DPP9: variants seen among roughly 807,000 people sequenced by gnomAD.
The protein encoded by DPP9 is dipeptidyl peptidase IV-related protein-2.
In DPP9, 50 loss-of-function variants were observed where a neutral mutation model predicts 110.7. That is an observed-to-expected ratio of 0.45 (90% CI 0.36 to 0.57). The LOEUF (loss-of-function observed/expected upper bound fraction) is 0.57, where lower values mean the gene tolerates loss of function less well. Among genes scored for constraint, DPP9 ranks in the 20% least tolerant of loss-of-function variants. The pLI, the probability that DPP9 is intolerant of heterozygous loss-of-function variation, is 0.00. For missense variants in DPP9, 1,022 were observed against 1,217.9 expected (o/e 0.84, Z 2.39); for synonymous variants, 561 against 514.4 (o/e 1.09, Z -1.23).
intron 2 of DPP9, chr19:4,722,102 G>A (rs1210654883): frequency 5.0e-6 from 1 of 200,524 alleles, no homozygotes; most frequent in African/African-American, 2.3e-5. Context: ...ATGACAGCTA[G>A]CATTGTCAAC....
intron 11 of DPP9, 42 bp downstream of exon 11, chr19:4,697,509 C>T (rs1458885838): frequency 1.3e-6 from 2 of 1,560,890 alleles, no homozygotes; most frequent in Non-Finnish European, 1.8e-6. Context: ...GGGCCCAGGG[C>T]CCTGCAGGTG....
chr19:4,707,464 G>A (rs2092639462), intron 4 of DPP9, among the ~76,000 whole-genome samples: 1 of 152,066 alleles, frequency 6.6e-6, no homozygotes, highest in African/African-American at 2.4e-5. Flanking sequence ...AAGCTGTCCA[G>A]TAGCCCACAA....
At chr19:4,722,365 C>T in intron 2 of DPP9, 134 bp downstream of exon 2, 1 of 582,220 alleles carries the variant, frequency 1.7e-6, no homozygotes, top group Admixed American at 3.0e-5. Flanking sequence ...ACTGCAGCCA[C>T]TGCCCTGCGG....
chr19:4,722,740 G>T, intron 1 of DPP9, 189 bp from the exon 2 acceptor site: 1 of 581,006 alleles, frequency 1.7e-6, no homozygotes, highest in South Asian at 2.0e-5. Flanking sequence ...GCCATCCCAC[G>T]GGCCCCGATT....
rs1478138351 is a variant in DPP9, at chr19:4,697,536, G to A, written c.1175+15C>T. ...CTGCAGGTGAATTCCTTGGGTTCCAGCCAGAGACACTCACTATTTGCCATC... is the reference window on the plus strand; with the variant it reads ...CTGCAGGTGAATTCCTTGGGTTCCAACCAGAGACACTCACTATTTGCCATC... On this transcript the variant is annotated intron_variant, in intron 11 of 21. Coordinates refer to ENST00000262960, the MANE Select transcript of DPP9 (RefSeq NM_139159.5). 1.9e-6 allele frequency: 3 copies of A among 1,608,926 alleles called. No homozygotes were observed. In the South Asian group the frequency reaches 3.3e-5, roughly 18 times the overall value.
At position 4,682,778 on chromosome 19, in the gene DPP9, G is replaced by A. The variant is rs1287824953; in HGVS notation, c.2392C>T (p.Arg798Cys). Residue 798 changes from arginine (R) to cysteine (C), a missense_variant, in exon 20 of 22, where the codon CGC (arginine) becomes TGC (cysteine). Transcript: ENST00000262960. This position sits in a 1 kb window ranked among gnomAD's most constrained non-coding sequence, Gnocchi z 7.1. ...WMAYDTGYTE[R>C]YMDVPENNQH... ...TTGTTCTCAGGGACGTCCATGTAGC[G>A]CTCAGTGTACCCTGTGTCGTAGGCC... 1.9e-6 allele frequency: 3 copies of A among 1,602,964 alleles called. No homozygotes were observed. The highest frequency in any genetic ancestry group is 1.3e-5 in the African/African-American group (1 of 74,768).
At chr19:4,691,002 T>C (rs778645106) in intron 13 of DPP9, 45 bp from the exon 14 acceptor site, 10 of 1,514,790 alleles carry the variant, frequency 6.6e-6, no homozygotes, top group Non-Finnish European at 9.0e-6. Context: ...TGGGAGGTGA[T>C]GCAGGCGCCC....
chr19:4,700,204 A>G lies in DPP9; in HGVS notation c.1074+12T>C. On this transcript the variant is annotated intron_variant, in intron 10 of 21. Transcript: ENST00000262960. The surrounding 1 kb of genome is among the most constrained non-coding windows in gnomAD (Gnocchi z 4.3). ...TCTAGTAGATTATCTGGTATGCAGC[A>G]GGCCCCCTTACCTTGCCCTGGCTGT... 6.4e-7 allele frequency: 1 copy of G among 1,558,754 alleles called. No individual in the cohort carries two copies. The highest frequency in any genetic ancestry group is 8.7e-7 in the Non-Finnish European group (1 of 1,143,142).
rs531299969 is a variant in DPP9, at chr19:4,694,082, G to T, written c.1516+579C>A. Among the ~76,000 whole-genome samples the T allele has an allele frequency of 4.6e-5, 7 of 151,118 alleles. No individual in the cohort carries two copies. The South Asian group carries it at 1.5e-3, about 31-fold the overall frequency. ...CTTCCACCACGCACATCACACCAGA[G>T]GCAGCACCTCTAACTGTTTCTGGAA... On this transcript the variant is annotated intron_variant, in intron 13 of 21. Transcript: ENST00000262960. This position sits in a 1 kb window ranked among gnomAD's most constrained non-coding sequence, Gnocchi z 4.0.
At position 4,700,867 on chromosome 19, in the gene DPP9, G is replaced by A. The variant is rs557638827; in HGVS notation, c.1013-590C>T. Among the ~76,000 whole-genome samples the A allele has an allele frequency of 1.9e-4, 29 of 152,298 alleles. No homozygotes were observed. Among genetic ancestry groups the A allele is most frequent in the South Asian group, 1.7e-3 (8 of 4,820 alleles). On this transcript the variant is annotated intron_variant, in intron 9 of 21. Transcript: ENST00000262960. The surrounding 1 kb of genome is among the most constrained non-coding windows in gnomAD (Gnocchi z 4.3). ...TGCTTATTTTTTTGGCTAGACCTAC[G>A]AGAAACTCAACTCCAGCCCTCGTGG...
At chr19:4,720,083 T>C (rs2093254802) in intron 2 of DPP9, 142 bp from the exon 3 acceptor site, 2 of 688,098 alleles carry the variant, frequency 2.9e-6, no homozygotes, top group African/African-American at 3.6e-5. Context: ...AAGGGCATTC[T>C]GAAGAGACGA....
In DPP9 at chr19:4,679,738, C is replaced by T. The variant is rs1280498067; in HGVS notation, c.2586+97G>A. The T allele has an allele frequency of 6.5e-6, 6 of 925,746 alleles. No homozygotes were observed. In the Admixed American group the frequency reaches 1.0e-4, roughly 16 times the overall value. The allele number at this position is 925,746 out of a possible 1,614,324, so 57.3% of individuals were successfully genotyped here. A position where few individuals can be genotyped will look rare whatever the true frequency, so the allele number is the denominator to read the frequency against. On this transcript the variant is annotated intron_variant, in intron 21 of 21. Transcript: ENST00000262960. ...GGAGCCCCAGATCCCCCAGGGAGCCCCTGGTCACAGTGGGAAGCCACCCCG... is the reference window on the plus strand; with the variant it reads ...GGAGCCCCAGATCCCCCAGGGAGCCTCTGGTCACAGTGGGAAGCCACCCCG...
intron 7 of DPP9, among the ~76,000 whole-genome samples, 161 bp from the exon 8 acceptor site, chr19:4,702,877 G>A (rs73920119): frequency 0.011 from 1,663 of 147,100 alleles, 38 homozygotes; most frequent in African/African-American, 0.04. Context: ...GGAGAGCTCG[G>A]AGCCGACTGC....
At position 4,679,861 on chromosome 19, in the gene DPP9, G is replaced by C. The variant is rs1442604304; in HGVS notation, c.2560C>G (p.Arg854Gly). The change falls in exon 21 of 22, where the codon CGA becomes GGA. Residue 854 changes from arginine (R) to glycine (G), a missense_variant. Coordinates refer to ENST00000262960, the MANE Select transcript of DPP9 (RefSeq NM_139159.5). Reference protein sequence around the residue: ...HTNFLVSQLIRAGKPYQLQIY... With the variant: ...HTNFLVSQLIGAGKPYQLQIY... ...TGGAGCTGGTAAGGTTTCCCTGCTCGGATCAGTTGGGAGACGAGGAAGTTT... is the reference window on the plus strand; with the variant it reads ...TGGAGCTGGTAAGGTTTCCCTGCTCCGATCAGTTGGGAGACGAGGAAGTTT... The C allele has an allele frequency of 1.2e-6, 2 of 1,613,136 alleles. No individual in the cohort carries two copies. Among genetic ancestry groups the C allele is most frequent in the Non-Finnish European group, 1.7e-6 (2 of 1,179,634 alleles).
chr19:4,712,929 T>C (rs1435417739), intron 4 of DPP9, among the ~76,000 whole-genome samples: 1 of 152,212 alleles, frequency 6.6e-6, no homozygotes, highest in East Asian at 1.9e-4. Flanking sequence ...GGCTGGGGGC[T>C]GCAGCACACG....
chr19:4,695,680 C>T lies in DPP9; in HGVS notation c.1176-125G>A, dbSNP rs1213615185. ...AGGGCTGGGCTTCCTGCGCTGGCTT[C>T]ACCTGCACTTGGCCAAGTAACCCTG... On this transcript the variant is annotated intron_variant, in intron 11 of 21. Coordinates refer to ENST00000262960, the MANE Select transcript of DPP9 (RefSeq NM_139159.5). This position sits in a 1 kb window ranked among gnomAD's most constrained non-coding sequence, Gnocchi z 4.7. 1.4e-5 allele frequency: 11 copies of T among 794,456 alleles called. No homozygotes were observed. The highest frequency in any genetic ancestry group is 1.3e-4 in the East Asian group (4 of 30,150). The allele number at this position is 794,456 out of a possible 1,614,324, so 49.2% of individuals were successfully genotyped here.
At chr19:4,678,002 T>G (rs780923226) in intron 21 of DPP9, among the ~76,000 whole-genome samples, 4 of 152,242 alleles carry the variant, frequency 2.6e-5, no homozygotes, top group Admixed American at 1.3e-4. Context: ...CAATGCCATG[T>G]TCCCACCCCA....
chr19:4,676,851 G>C lies in DPP9; in HGVS notation c.2587-195C>G, dbSNP rs2145221305. On this transcript the variant is annotated intron_variant, in intron 21 of 21. Coordinates refer to ENST00000262960, the MANE Select transcript of DPP9 (RefSeq NM_139159.5). This position sits in a 1 kb window ranked among gnomAD's most constrained non-coding sequence, Gnocchi z 4.0. ...CTCTCTAAAAAATGGGGTGAATCCG[G>C]ACCTCACAGTCTTTGGGAGGATTTG... is the stretch of plus-strand genomic sequence containing the variant. 6.6e-6 allele frequency among the ~76,000 whole-genome samples: 1 copy of C among 152,308 alleles called. No individual in the cohort carries two copies. The highest frequency in any genetic ancestry group is 2.1e-4 in the South Asian group (1 of 4,826).
Position 4,685,680 on chromosome 19 carries a change from G to A in DPP9, c.1977C>T (p.Ala659=). The change falls in exon 17 of 22, where the codon GCC becomes GCT. Residue 659 remains alanine (A), a synonymous_variant. Transcript: ENST00000262960. The surrounding 1 kb of genome is among the most constrained non-coding windows in gnomAD (Gnocchi z 5.8). The part of the protein sequence containing the change: ...RLYGMIYKPH[A]LQPGKKHPTV... ...TGGGGTGCTTCTTCCCTGGCTGCAA[G>A]GCGTGGGGCTTGTAGATCATGCCGT... 1 of 1,613,242 alleles carries A rather than the reference G, an allele frequency of 6.2e-7. No homozygotes were observed. Among genetic ancestry groups the A allele is most frequent in the Non-Finnish European group, 8.5e-7 (1 of 1,179,704 alleles).
Sources: allele counts gnomAD v4.1 joint callset (sites outside exome capture counted in the v4.1 genomes callset), GRCh38; gene constraint gnomAD v4.1.1; non-coding constraint Gnocchi (gnomAD v3.1); transcripts MANE v1.5; gene names NCBI Gene and HGNC (gene_info 2026-07-23, HGNC 2026-07-21).